Variants in GLCE observed in about 807,000 individuals in gnomAD.
GLCE encodes glucuronic acid epimerase.
In GLCE, 19 loss-of-function variants were observed where a neutral mutation model predicts 47.9. The ratio of observed to expected loss-of-function variants is 0.40; its 90% CI spans 0.28 to 0.58. The LOEUF is 0.58. Ranked by LOEUF, GLCE falls within the 20% of genes least tolerant of loss-of-function variation. GLCE has a pLI of 0.48. For synonymous variants in GLCE, 245 were observed against 263.4 expected (o/e 0.93, Z 0.68); for missense variants, 556 against 743.3 (o/e 0.75, Z 2.93).
At chr15:69,175,161 A>G (rs985260764) in intron 1 of GLCE, among the ~76,000 whole-genome samples, 6 of 152,176 alleles carry the variant, frequency 3.9e-5, no homozygotes, top group African/African-American at 1.4e-4. Flanking sequence ...TTTCTTTAGC[A>G]ATATGATCTT....
Position 69,255,978 on chromosome 15 carries a change from G to A in GLCE, c.172G>A (p.Ala58Thr). ...GGATGGGTTTGAAAAAAGAGCAGCAGCATCTGAGAGTAACAACTATATGAA... is the reference window on the plus strand; with the variant it reads ...GGATGGGTTTGAAAAAAGAGCAGCAACATCTGAGAGTAACAACTATATGAA... ...RVDGFEKRAA[A>T]SESNNYMNHV... The change falls in exon 3 of 5, where the codon GCA becomes ACA. Residue 58 changes from alanine (A) to threonine (T), a missense_variant. Ala to Thr is a moderately conservative substitution (Grantham distance 58). Coordinates refer to ENST00000261858, the MANE Select transcript of GLCE (RefSeq NM_015554.3). 1 of 1,614,060 alleles carries A rather than the reference G, an allele frequency of 6.2e-7. No individual in the cohort carries two copies. Among genetic ancestry groups the A allele is most frequent in the Non-Finnish European group, 8.5e-7 (1 of 1,179,986 alleles).
intron 2 of GLCE, among the ~76,000 whole-genome samples, chr15:69,253,343 A>T (rs1212464649): frequency 6.6e-6 from 1 of 152,252 alleles, no homozygotes; most frequent in African/African-American, 2.4e-5. Flanking sequence ...CTGTGGGAAC[A>T]CTGCCAGTCA....
chr15:69,168,397 A>T (rs1486287993), intron 1 of GLCE, among the ~76,000 whole-genome samples: 1 of 152,202 alleles, frequency 6.6e-6, no homozygotes, highest in Non-Finnish European at 1.5e-5. Context: ...AGGTGCTCAA[A>T]TTTTTGTTGA....
chr15:69,178,506 G>C (rs1448205824), intron 1 of GLCE, among the ~76,000 whole-genome samples: 1 of 152,098 alleles, frequency 6.6e-6, no homozygotes, highest in African/African-American at 2.4e-5. Flanking sequence ...GGACTGTTAT[G>C]AGTATTAGAT....
At chr15:69,216,704 A>G (rs1191968900) in intron 2 of GLCE, among the ~76,000 whole-genome samples, 1 of 152,108 alleles carries the variant, frequency 6.6e-6, no homozygotes, top group East Asian at 1.9e-4. Context: ...TTGCCCTTTT[A>G]AGAACTTTAC....
In GLCE at chr15:69,269,268, C is replaced by G; in HGVS notation, c.*24C>G. On this transcript the variant is annotated 3_prime_UTR_variant, in exon 5 of 5. Coordinates refer to ENST00000261858, the MANE Select transcript of GLCE (RefSeq NM_015554.3). ...AGAGCTCACAACCAAAACTGCACTT[C>G]AGCCTCTGCTGTACACAGAAACTAC... 1 of 1,594,356 alleles carries G rather than the reference C, an allele frequency of 6.3e-7. No homozygotes were observed. The highest frequency in any genetic ancestry group is 1.1e-5 in the South Asian group (1 of 89,992).
intron 2 of GLCE, among the ~76,000 whole-genome samples, chr15:69,248,896 T>TA (rs2052795595): frequency 6.6e-6 from 1 of 152,138 alleles, no homozygotes; most frequent in South Asian, 2.1e-4. Flanking sequence ...TGAGCCAAGC[T>TA]AGGTGCATTT....
intron 2 of GLCE, among the ~76,000 whole-genome samples, chr15:69,231,367 T>C (rs1339824437): frequency 2.0e-5 from 3 of 150,690 alleles, no homozygotes; most frequent in Non-Finnish European, 4.4e-5. Context: ...CACTGTAAAC[T>C]CCACCTCCCG....
chr15:69,209,642 A>G (rs1326907044), intron 1 of GLCE, among the ~76,000 whole-genome samples: 1 of 152,112 alleles, frequency 6.6e-6, no homozygotes, highest in Non-Finnish European at 1.5e-5. Flanking sequence ...AGGAGTTCAT[A>G]AAACAACTTT....
chr15:69,263,015 ATAT>A (rs1241457516), intron 4 of GLCE, among the ~76,000 whole-genome samples: 1 of 152,194 alleles, frequency 6.6e-6, no homozygotes, highest in Non-Finnish European at 1.5e-5. Flanking sequence ...CGAGGGTAAC[ATAT>A]TATAATATTT....
intron 4 of GLCE, among the ~76,000 whole-genome samples, chr15:69,262,228 G>A (rs1003696885): frequency 6.6e-6 from 1 of 152,138 alleles, no homozygotes; most frequent in African/African-American, 2.4e-5. Flanking sequence ...GAATTTATGA[G>A]TACTGAATGC....
intron 2 of GLCE, among the ~76,000 whole-genome samples, chr15:69,252,807 A>T (rs545285484): frequency 3.2e-4 from 48 of 152,300 alleles, no homozygotes; most frequent in African/African-American, 1.1e-3. Flanking sequence ...TAGTGTTATC[A>T]GTTTGCCCCC....
chr15:69,171,399 C>CTT (rs201615586), intron 1 of GLCE, among the ~76,000 whole-genome samples: 2 of 140,198 alleles, frequency 1.4e-5, no homozygotes, highest in Non-Finnish European at 1.6e-5. Flanking sequence ...GGGATATATT[C>CTT]TTTTTTTTTT....
At chr15:69,236,102 G>A (rs1052502937) in intron 2 of GLCE, among the ~76,000 whole-genome samples, 3 of 152,210 alleles carry the variant, frequency 2.0e-5, no homozygotes, top group Non-Finnish European at 4.4e-5. Flanking sequence ...TGTTGTGGCA[G>A]GTTATCAGTA....
chr15:69,266,451 C>T (rs2140457000), intron 4 of GLCE, among the ~76,000 whole-genome samples: 1 of 152,228 alleles, frequency 6.6e-6, no homozygotes, highest in Admixed American at 6.5e-5. Flanking sequence ...GTTGGCCTCC[C>T]AAGTACCTAG....
At chr15:69,234,307 A>G (rs1200018280) in intron 2 of GLCE, among the ~76,000 whole-genome samples, 3 of 151,106 alleles carry the variant, frequency 2.0e-5, no homozygotes, top group Non-Finnish European at 4.4e-5. Flanking sequence ...AATTTTTTTG[A>G]CCTTATTTTT....
intron 2 of GLCE, among the ~76,000 whole-genome samples, chr15:69,248,564 C>G (rs1346049198): frequency 6.6e-6 from 1 of 152,004 alleles, no homozygotes; most frequent in Non-Finnish European, 1.5e-5. Context: ...GAGGGAGCAA[C>G]GGAGAGGAAA....
chr15:69,270,418 C>G lies in GLCE; in HGVS notation c.*1174C>G, dbSNP rs2053149958. On this transcript the variant is annotated 3_prime_UTR_variant, in exon 5 of 5. Coordinates refer to ENST00000261858, the MANE Select transcript of GLCE (RefSeq NM_015554.3). Reference sequence around the variant, plus strand: ...ATCTTTATTTAGGTATACATATCCTCCTATACCGCACATAAATAGATTTCA... The same window carrying G: ...ATCTTTATTTAGGTATACATATCCTGCTATACCGCACATAAATAGATTTCA... The G allele has an allele frequency of 6.6e-6, 1 of 152,020 alleles. No individual in the cohort carries two copies. The highest frequency in any genetic ancestry group is 2.4e-5 in the African/African-American group (1 of 41,398). 9.4% of individuals were successfully genotyped at this position (152,020 alleles called of 1,614,324 possible). A position where few individuals can be genotyped will look rare whatever the true frequency, so the allele number is the denominator to read the frequency against.
chr15:69,246,259 A>T (rs2052748423), intron 2 of GLCE, among the ~76,000 whole-genome samples: 1 of 152,148 alleles, frequency 6.6e-6, no homozygotes, highest in South Asian at 2.1e-4. Flanking sequence ...AACTCTGTTC[A>T]TGTTGATATT....
Sources: gnomAD v4.1 joint callset for allele counts (sites outside exome capture counted in the v4.1 genomes callset) on GRCh38, gnomAD v4.1.1 for gene constraint, MANE v1.5 for transcripts, NCBI Gene and HGNC (gene_info 2026-07-23, HGNC 2026-07-21) for gene names.